SRCIN1: variants seen among roughly 807,000 people sequenced by gnomAD.
SRCIN1 encodes the protein P130Cas-associated protein.
SRCIN1 carries 50 observed loss-of-function variants against 116.2 expected under a neutral mutation model. That is an observed-to-expected ratio of 0.43 (90% CI 0.34 to 0.54). The LOEUF is 0.54. Ranked by LOEUF, SRCIN1 falls within the 20% of genes least tolerant of loss-of-function variation. The pLI, the probability that SRCIN1 is intolerant of heterozygous loss-of-function variation, is 0.02. For missense variants in SRCIN1, 1,446 were observed against 1,672.0 expected (o/e 0.86, Z 2.36); for synonymous variants, 736 against 750.0 (o/e 0.98, Z 0.30).
chr17:38,578,780 T>A lies in SRCIN1; in HGVS notation c.34A>T (p.Ser12Cys), dbSNP rs1245859918. 1 of 1,499,774 alleles carries A rather than the reference T, an allele frequency of 6.7e-7. No homozygotes were observed. The highest frequency in any genetic ancestry group is 8.9e-7 in the Non-Finnish European group (1 of 1,126,708). The allele number at this position is 1,499,774 out of a possible 1,614,324, so 92.9% of individuals were successfully genotyped here. A position where few individuals can be genotyped will look rare whatever the true frequency, so the allele number is the denominator to read the frequency against. Residue 12 changes from serine (S) to cysteine (C), a missense_variant, in exon 2 of 19, where the codon AGC (serine) becomes TGC (cysteine). Transcript: ENST00000617146. ...GNAPSQDPER[S>C]SPPMLSADDA... ...TCCGCAGACAGCATGGGGGGGCTGC[T>A]CCGCTCCGGATCTGCGAGAGGTGAG...
chr17:38,550,743 C>A (rs1289954385), intron 15 of SRCIN1, among the ~76,000 whole-genome samples: 1 of 152,242 alleles, frequency 6.6e-6, no homozygotes, highest in Non-Finnish European at 1.5e-5. Context: ...ATGACTGCCA[C>A]TTCTGGTCTG....
Position 38,578,573 on chromosome 17 carries a change from C to T in SRCIN1, c.241G>A (p.Asp81Asn). ...LQKADADRKRDAFMDHLKSKY... is the reference protein window; with the variant it reads ...LQKADADRKRNAFMDHLKSKY... ...CTCTTCAGGTGGTCCATGAAGGCAT[C>T]ACGCTTGCGGTCGGCGTCCGCCTTC... Residue 81 changes from aspartate to asparagine, a missense_variant, in exon 2 of 19, where the codon GAT (aspartate) becomes AAT (asparagine). Physicochemically the swap from Asp to Asn is conservative, Grantham distance 23 (BLOSUM62 1). Transcript: ENST00000617146. 9 of 1,612,190 alleles carry T rather than the reference C, an allele frequency of 5.6e-6. No homozygotes were observed. The highest frequency in any genetic ancestry group is 7.6e-6 in the Non-Finnish European group (9 of 1,178,860).
At chr17:38,565,385 G>T (rs747719174) in intron 3 of SRCIN1, among the ~76,000 whole-genome samples, 1 of 152,138 alleles carries the variant, frequency 6.6e-6, no homozygotes, top group Non-Finnish European at 1.5e-5. Flanking sequence ...ATACTGTCAA[G>T]AAATAATCAT....
chr17:38,595,146 T>G (rs1453619455), intron 1 of SRCIN1, among the ~76,000 whole-genome samples: 1 of 150,134 alleles, frequency 6.7e-6, no homozygotes, highest in Non-Finnish European at 1.5e-5. Flanking sequence ...CAGGAACCTA[T>G]CTGCCTTGGT....
chr17:38,582,142 T>C (rs576253481), intron 1 of SRCIN1, among the ~76,000 whole-genome samples: 6 of 152,234 alleles, frequency 3.9e-5, no homozygotes, highest in South Asian at 2.1e-4. Flanking sequence ...CAGGACAACA[T>C]TGGGACAGGT....
At position 38,533,190 on chromosome 17, in the gene SRCIN1, C is replaced by A. The variant is rs2040948594; in HGVS notation, c.*107G>T. 7.0e-7 allele frequency: 1 copy of A among 1,420,998 alleles called. No homozygotes were observed. Among genetic ancestry groups the A allele is most frequent in the Admixed American group, 2.6e-5 (1 of 38,148 alleles). The allele number at this position is 1,420,998 out of a possible 1,614,324, so 88.0% of individuals were successfully genotyped here. On this transcript the variant is annotated 3_prime_UTR_variant, in exon 19 of 19. Coordinates refer to ENST00000617146, the MANE Select transcript of SRCIN1 (RefSeq NM_025248.3). ...ACCCTCCTCTTCAGGGCACACCCCT[C>A]AGGGCGTCTGGAGAGTAGGGTGGGG...
chr17:38,574,420 G>T (rs1422001069), intron 2 of SRCIN1, among the ~76,000 whole-genome samples: 1 of 152,188 alleles, frequency 6.6e-6, no homozygotes, highest in Non-Finnish European at 1.5e-5. Flanking sequence ...CATGAACTTA[G>T]CAAGAGGGGT....
intron 2 of SRCIN1, among the ~76,000 whole-genome samples, chr17:38,575,953 T>C (rs1907394437): frequency 6.6e-6 from 1 of 152,170 alleles, no homozygotes; most frequent in Admixed American, 6.5e-5. Flanking sequence ...GAACGGGCCA[T>C]AGATCCTGCC....
rs1402335671 is a variant in SRCIN1, at chr17:38,603,200, G to GGGGGGAGA, written c.22+2476_22+2483dup. ...AAGAGGGAGAGAGACAGGGAAGGGA[G>GGGGGGAGA]GGGGGAGAGGGGGAGAGAGAGAGAA... On this transcript the variant is annotated intron_variant, in intron 1 of 18. Transcript: ENST00000617146. 3.3e-5 allele frequency among the ~76,000 whole-genome samples: 5 copies of GGGGGGAGA among 152,104 alleles called. No individual in the cohort carries two copies. In the South Asian group the frequency reaches 8.3e-4, roughly 25 times the overall value.
At chr17:38,595,092 C>A (rs1908652081) in intron 1 of SRCIN1, among the ~76,000 whole-genome samples, 1 of 152,190 alleles carries the variant, frequency 6.6e-6, no homozygotes, top group Non-Finnish European at 1.5e-5. Context: ...AGGATATCTT[C>A]CAACTCTTCA....
chr17:38,587,726 G>A (rs12450867), intron 1 of SRCIN1, among the ~76,000 whole-genome samples: 1 of 152,102 alleles, frequency 6.6e-6, no homozygotes, highest in African/African-American at 2.4e-5. Flanking sequence ...CAGAAACACC[G>A]CAGCAGCCCG....
chr17:38,537,073 G>A (rs1314030266), intron 18 of SRCIN1, among the ~76,000 whole-genome samples: 2 of 152,260 alleles, frequency 1.3e-5, no homozygotes, highest in East Asian at 3.9e-4. Flanking sequence ...AGCTACCTGG[G>A]AGGCTGAGGC....
intron 1 of SRCIN1, among the ~76,000 whole-genome samples, chr17:38,594,085 C>A (rs562342553): frequency 2.2e-4 from 34 of 152,348 alleles, no homozygotes; most frequent in African/African-American, 8.2e-4. Context: ...AGGCCCTTGC[C>A]CTGGCCCCCT....
chr17:38,552,548 C>T lies in SRCIN1; in HGVS notation c.2379G>A (p.Val793=). The part of the protein sequence containing the change: ...LQSKMRVVLR[V]EVEAVKFLKE... Reference sequence around the variant, plus strand: ...TCAGGAACTTCACCGCCTCCACCTCCACGCGCAGCACCACCCGCATCTTGC... The same window carrying T: ...TCAGGAACTTCACCGCCTCCACCTCTACGCGCAGCACCACCCGCATCTTGC... Residue 793 remains valine, a synonymous_variant, in exon 13 of 19, where the codon GTG becomes GTA. Coordinates refer to ENST00000617146, the MANE Select transcript of SRCIN1 (RefSeq NM_025248.3). The surrounding 1 kb of genome is among the most constrained non-coding windows in gnomAD (Gnocchi z 5.3). The T allele has an allele frequency of 6.2e-7, 1 of 1,608,924 alleles. No homozygotes were observed. The highest frequency in any genetic ancestry group is 8.5e-7 in the Non-Finnish European group (1 of 1,177,850).
intron 18 of SRCIN1, 108 bp from the exon 19 acceptor site, chr17:38,533,539 T>A: frequency 1.4e-6 from 1 of 728,504 alleles, no homozygotes; most frequent in Non-Finnish European, 1.8e-6. Flanking sequence ...CCAAGGAAAT[T>A]AACTGCAAAA....
chr17:38,585,352 C>G lies in SRCIN1; in HGVS notation c.23-6561G>C, dbSNP rs1237492380. On this transcript the variant is annotated intron_variant, in intron 1 of 18. Coordinates refer to ENST00000617146, the MANE Select transcript of SRCIN1 (RefSeq NM_025248.3). This position sits in a 1 kb window ranked among gnomAD's most constrained non-coding sequence, Gnocchi z 4.2. ...AGGAGCCCAAGTCAGCCAGGAGGAGCCCCGAGGCACTGCCACCTTCGATTG... is the reference window on the plus strand; with the variant it reads ...AGGAGCCCAAGTCAGCCAGGAGGAGGCCCGAGGCACTGCCACCTTCGATTG... Among the ~76,000 whole-genome samples the G allele has an allele frequency of 6.6e-6, 1 of 152,234 alleles. No homozygotes were observed. Among genetic ancestry groups the G allele is most frequent in the African/African-American group, 2.4e-5 (1 of 41,466 alleles).
intron 1 of SRCIN1, among the ~76,000 whole-genome samples, chr17:38,593,475 T>C (rs955135030): frequency 6.6e-6 from 1 of 152,024 alleles, no homozygotes; most frequent in African/African-American, 2.4e-5. Flanking sequence ...AGGGAGGGTG[T>C]AGGGCTGAGG....
At chr17:38,546,917 C>T (rs992461945) in intron 17 of SRCIN1, among the ~76,000 whole-genome samples, 113 of 130,126 alleles carry the variant, frequency 8.7e-4, no homozygotes, top group Non-Finnish European at 1.5e-3. Context: ...CAGAGCGGAG[C>T]CCCCCTGCCT....
intron 1 of SRCIN1, among the ~76,000 whole-genome samples, chr17:38,583,313 G>A (rs891349729): frequency 1.3e-5 from 2 of 151,992 alleles, no homozygotes; most frequent in African/African-American, 2.4e-5. Flanking sequence ...GAGCTCAAGC[G>A]ATCCACCCAC....
Sources: allele counts gnomAD v4.1 joint callset (sites outside exome capture counted in the v4.1 genomes callset), GRCh38; gene constraint gnomAD v4.1.1; non-coding constraint Gnocchi (gnomAD v3.1); transcripts MANE v1.5; gene names NCBI Gene and HGNC (gene_info 2026-07-23, HGNC 2026-07-21).